IL12RB2: variants seen among roughly 807,000 people sequenced by gnomAD.
IL12RB2 encodes interleukin 12 receptor subunit beta 2, also known as interleukin-12 receptor subunit beta-2.
In IL12RB2, 82 loss-of-function variants were observed where a neutral mutation model predicts 89.4. That is an observed-to-expected ratio of 0.92 (90% CI 0.77 to 1.10). IL12RB2 has a LOEUF of 1.10. IL12RB2 is among the 50% of genes least tolerant of loss of function. The pLI is 0.00. For synonymous variants in IL12RB2, 368 were observed against 370.1 expected, an observed-to-expected ratio of 0.99 and a Z score of 0.07; for missense variants, 963 against 1,031.9, an observed-to-expected ratio of 0.93 and a Z score of 0.92.
At chr1:67,318,026 G>T (rs1656007955) in intron 2 of IL12RB2, among the ~76,000 whole-genome samples, 1 of 152,308 alleles carries the variant, frequency 6.6e-6, no homozygotes, top group South Asian at 2.1e-4. Context: ...TCAGGGAGGG[G>T]CTGTCTGGGG....
At chr1:67,342,129 C>T (rs865898103) in intron 9 of IL12RB2, among the ~76,000 whole-genome samples, 2 of 152,088 alleles carry the variant, frequency 1.3e-5, no homozygotes, top group Admixed American at 6.5e-5. Context: ...GCAGCCAGAT[C>T]GCTTTGTGAC....
chr1:67,334,434 T>C (rs187895641), intron 8 of IL12RB2, among the ~76,000 whole-genome samples: 309 of 152,362 alleles, frequency 2.0e-3, no homozygotes, highest in African/African-American at 7.1e-3. Flanking sequence ...TTATGTATGC[T>C]GAAATTGGAA....
At chr1:67,309,035 C>CATACAT (rs1415181982) in intron 1 of IL12RB2, among the ~76,000 whole-genome samples, 1 of 145,574 alleles carries the variant, frequency 6.9e-6, no homozygotes, top group South Asian at 2.2e-4. Context: ...TAAATACATA[C>CATACAT]ATACATATAC....
intron 9 of IL12RB2, among the ~76,000 whole-genome samples, chr1:67,348,680 A>C (rs542361436): frequency 3.3e-5 from 5 of 152,188 alleles, no homozygotes; most frequent in South Asian, 4.2e-4. Context: ...AAAAAAAAAA[A>C]AACCCTGAAC....
chr1:67,383,537 G>C (rs1664827189), intron 14 of IL12RB2, among the ~76,000 whole-genome samples: 1 of 152,154 alleles, frequency 6.6e-6, no homozygotes, highest in Admixed American at 6.5e-5. Context: ...CCACCTATGA[G>C]CCTATAAAAT....
chr1:67,388,429 T>C (rs1189475507), intron 15 of IL12RB2, among the ~76,000 whole-genome samples: 5 of 152,200 alleles, frequency 3.3e-5, no homozygotes, highest in Admixed American at 2.0e-4. Context: ...CACTGCAGCC[T>C]CTGCTTCCTG....
chr1:67,360,137 C>G (rs1235513532), intron 10 of IL12RB2, among the ~76,000 whole-genome samples: 1 of 152,040 alleles, frequency 6.6e-6, no homozygotes, highest in Non-Finnish European at 1.5e-5. Context: ...CGCGGTGGCT[C>G]ACACCTGTAA....
chr1:67,308,011 G>A (rs1569635708), intron 1 of IL12RB2, 44 bp downstream of exon 1: 1 of 152,132 alleles, frequency 6.6e-6, no homozygotes, highest in South Asian at 2.1e-4. Flanking sequence ...GAGAGCCCCA[G>A]GATCCCGGAC....
At chr1:67,326,223 T>A (rs1281248374) in intron 4 of IL12RB2, among the ~76,000 whole-genome samples, 2 of 152,204 alleles carry the variant, frequency 1.3e-5, no homozygotes, top group Non-Finnish European at 1.5e-5. Context: ...AGGTTTCTAA[T>A]ATTTGAATGG....
intron 16 of IL12RB2, among the ~76,000 whole-genome samples, chr1:67,391,952 A>G (rs1396042296): frequency 6.6e-6 from 1 of 152,084 alleles, no homozygotes; most frequent in Non-Finnish European, 1.5e-5. Context: ...ATGAGGTTGT[A>G]TGATTATCTT....
In IL12RB2 at chr1:67,395,791, TG is replaced by T; in HGVS notation, c.2293del (p.Asp765IlefsTer41). 1 of 1,614,126 alleles carries T rather than the reference TG, an allele frequency of 6.2e-7. No individual in the cohort carries two copies. Among genetic ancestry groups the T allele is most frequent in the Non-Finnish European group, 8.5e-7 (1 of 1,179,964 alleles). On this transcript the variant is annotated frameshift_variant, in exon 17 of 17. Coordinates refer to ENST00000674203, the MANE Select transcript of IL12RB2 (RefSeq NM_001374259.2). LOFTEE classifies it low-confidence loss of function (END_TRUNC). ...CTCCAAGCTGAGAGCAGACAACTGG[TG>T]GATCTGTACAAGGTGCTGGAGAGCA... ...RALQAESRQL[V>X]DLYKVLESRG...
chr1:67,391,308 A>T (rs957343418), intron 16 of IL12RB2, among the ~76,000 whole-genome samples: 2 of 150,794 alleles, frequency 1.3e-5, no homozygotes, highest in Non-Finnish European at 2.9e-5. Flanking sequence ...CCTCTGAGGG[A>T]TTTCATCCCT....
chr1:67,360,632 C>A (rs181515632), intron 10 of IL12RB2, among the ~76,000 whole-genome samples: 1 of 151,942 alleles, frequency 6.6e-6, no homozygotes, highest in East Asian at 1.9e-4. Flanking sequence ...CCTGTCTCTA[C>A]TAAAAATACA....
At chr1:67,313,646 A>G (rs1426976606) in intron 1 of IL12RB2, among the ~76,000 whole-genome samples, 1 of 151,944 alleles carries the variant, frequency 6.6e-6, no homozygotes, top group Admixed American at 6.6e-5. Flanking sequence ...ACATGGTAAA[A>G]CCCCATCTCT....
intron 6 of IL12RB2, among the ~76,000 whole-genome samples, chr1:67,328,892 A>C (rs1249999483): frequency 6.6e-6 from 1 of 152,182 alleles, no homozygotes; most frequent in Admixed American, 6.5e-5. Flanking sequence ...GAGCCAGTAC[A>C]TTTCTGAGCA....
At position 67,370,154 on chromosome 1, in the gene IL12RB2, T is replaced by G. The variant is rs114843639; in HGVS notation, c.1459+2129T>G. On this transcript the variant is annotated intron_variant, in intron 11 of 16. Transcript: ENST00000674203. Reference sequence around the variant, plus strand: ...AGTCTGAAAATAAACACTTAAAAATTAAGCAATTCATGGTTATTATTAATT... The same window carrying G: ...AGTCTGAAAATAAACACTTAAAAATGAAGCAATTCATGGTTATTATTAATT... Among the ~76,000 whole-genome samples the G allele has an allele frequency of 7.0e-3, 1,064 of 152,210 alleles. 17 individuals carry two copies. The highest frequency in any genetic ancestry group is 0.025 in the African/African-American group (1,018 of 41,526).
At chr1:67,391,706 G>A (rs868668167) in intron 16 of IL12RB2, among the ~76,000 whole-genome samples, 25 of 150,820 alleles carry the variant, frequency 1.7e-4, no homozygotes, top group African/African-American at 5.1e-4. Flanking sequence ...GCGCAATCTC[G>A]GCTCACTGCA....
At chr1:67,336,812 T>G (rs1344912352) in intron 8 of IL12RB2, among the ~76,000 whole-genome samples, 1 of 152,236 alleles carries the variant, frequency 6.6e-6, no homozygotes, top group Non-Finnish European at 1.5e-5. Context: ...GCCTGGCATC[T>G]CTGATGATTA....
At chr1:67,353,042 G>T (rs573759743) in intron 10 of IL12RB2, among the ~76,000 whole-genome samples, 37 of 152,324 alleles carry the variant, frequency 2.4e-4, no homozygotes, top group African/African-American at 8.9e-4. Flanking sequence ...GCTTAAAAAT[G>T]TAAGTACGAA....
Sources: gnomAD v4.1 joint callset for allele counts (sites outside exome capture counted in the v4.1 genomes callset) on GRCh38, gnomAD v4.1.1 for gene constraint, MANE v1.5 for transcripts, NCBI Gene and HGNC (gene_info 2026-07-23, HGNC 2026-07-21) for gene names.